Variants in GALNT13 observed in about 807,000 individuals in gnomAD.
GALNT13 encodes polypeptide N-acetylgalactosaminyltransferase 13, also known as UDP-GalNAc:polypeptide N-acetylgalactosaminyltransferase 13.
A neutral mutation model predicts 64.2 loss-of-function variants in GALNT13; 28 were observed. The observed-to-expected ratio is 0.44, with a 90% CI of 0.32 to 0.60. The LOEUF (loss-of-function observed/expected upper bound fraction) is 0.60. Among genes scored for constraint, GALNT13 ranks in the 20% least tolerant of loss-of-function variants. GALNT13 has a pLI of 0.05. For synonymous variants in GALNT13, 214 were observed against 224.6 expected (o/e 0.95, Z 0.42); for missense variants, 577 against 669.8 (o/e 0.86, Z 1.53).
At chr2:154,198,498 A>C (rs763336714) in intron 4 of GALNT13, among the ~76,000 whole-genome samples, 6 of 151,922 alleles carry the variant, frequency 3.9e-5, no homozygotes, top group Non-Finnish European at 7.4e-5. Flanking sequence ...TCAATAGTTA[A>C]AGTAAGTTTT....
At chr2:153,635,402 A>ATATATATATACACATATATATATG in the GALNT13 span, among the ~76,000 whole-genome samples, 13 of 110,574 alleles carry the variant, frequency 1.2e-4, no homozygotes, top group Admixed American at 5.3e-4. Context: ...AAATATGTAT[A>ATATATATATACACATATATATATG]TATATATATA....
chr2:153,635,831 T>G, the GALNT13 span, among the ~76,000 whole-genome samples: 29 of 152,194 alleles, frequency 1.9e-4, no homozygotes, highest in Admixed American at 1.8e-3. Flanking sequence ...CTTTAATTTC[T>G]TTCTAGTATC....
At chr2:154,315,658 G>A (rs745993100) in intron 9 of GALNT13, among the ~76,000 whole-genome samples, 4 of 152,066 alleles carry the variant, frequency 2.6e-5, no homozygotes, top group Admixed American at 6.6e-5. Context: ...GCCTAAAAAT[G>A]TTTATGTTTT....
intron 2 of GALNT13, among the ~76,000 whole-genome samples, chr2:153,909,576 G>A (rs1478747177): frequency 6.6e-6 from 1 of 151,944 alleles, no homozygotes; most frequent in African/African-American, 2.4e-5. Flanking sequence ...GTCATAGATG[G>A]CTCTTACTAT....
At chr2:153,930,826 A>G (rs1184827723) in intron 2 of GALNT13, among the ~76,000 whole-genome samples, 1 of 152,086 alleles carries the variant, frequency 6.6e-6, no homozygotes, top group African/African-American at 2.4e-5. Flanking sequence ...GTGCCATATG[A>G]ACTTTAGAAT....
At chr2:153,158,208 T>G in the GALNT13 span, among the ~76,000 whole-genome samples, 1 of 152,156 alleles carries the variant, frequency 6.6e-6, no homozygotes, top group African/African-American at 2.4e-5. Context: ...CCTTAAGGTT[T>G]TATTAGTATG....
chr2:154,286,945 C>T, intron 8 of GALNT13: 1 of 532,426 alleles, frequency 1.9e-6, no homozygotes, highest in Non-Finnish European at 3.5e-6. Flanking sequence ...TGACTCTGTG[C>T]TGCCATCCAT....
chr2:153,858,332 C>T, the GALNT13 span, among the ~76,000 whole-genome samples: 3 of 152,144 alleles, frequency 2.0e-5, no homozygotes, highest in African/African-American at 2.4e-5. Context: ...TGAAAGGACT[C>T]TGATATTTAC....
the GALNT13 span, among the ~76,000 whole-genome samples, chr2:153,396,013 A>T: frequency 0.036 from 5,520 of 152,220 alleles, 115 homozygotes; most frequent in Middle Eastern, 0.065. Flanking sequence ...TATTGTGAAA[A>T]TTGCAATAGA....
intron 8 of GALNT13, among the ~76,000 whole-genome samples, chr2:154,277,367 T>C (rs1249467861): frequency 1.3e-5 from 2 of 152,170 alleles, no homozygotes; most frequent in African/African-American, 4.8e-5. Context: ...ATTGAATCTA[T>C]GTATTTTTTA....
rs552264203 is a variant in GALNT13 at position 153,903,581 on chromosome 2, C to T, written c.-105+2574C>T. ...GTGTCAATTATTGATGCTCTCTGTG[C>T]GTCAGCCTCTGTACCTTCAAAATGT... On this transcript the variant is annotated intron_variant, in intron 2 of 12. Transcript: ENST00000392825. 2.6e-5 allele frequency among the ~76,000 whole-genome samples: 4 copies of T among 151,996 alleles called. No homozygotes were observed. In the South Asian group the frequency reaches 8.3e-4, roughly 32 times the overall value.
chr2:154,392,533 C>G (rs765055060), intron 9 of GALNT13, among the ~76,000 whole-genome samples: 61 of 152,058 alleles, frequency 4.0e-4, no homozygotes, highest in Non-Finnish European at 8.1e-4. Context: ...GTTTCAAGAC[C>G]AGGAGGGCCA....
chr2:153,165,227 A>G, the GALNT13 span, among the ~76,000 whole-genome samples: 8 of 152,252 alleles, frequency 5.3e-5, no homozygotes, highest in Non-Finnish European at 1.0e-4. Context: ...GTTTCATTAT[A>G]AAACTGTGGT....
At chr2:153,972,693 T>C (rs1014826895) in intron 3 of GALNT13, among the ~76,000 whole-genome samples, 5 of 152,016 alleles carry the variant, frequency 3.3e-5, no homozygotes, top group Admixed American at 6.6e-5. Context: ...TTCATATTAA[T>C]ATAAGGAAAT....
chr2:154,082,571 C>T (rs1701325089), intron 3 of GALNT13, among the ~76,000 whole-genome samples: 3 of 151,570 alleles, frequency 2.0e-5, no homozygotes, highest in Non-Finnish European at 3.0e-5. Context: ...AATATTTCAT[C>T]GAATGAATAC....
chr2:154,110,276 AG>A, intron 3 of GALNT13, among the ~76,000 whole-genome samples: 1 of 43,680 alleles, frequency 2.3e-5, no homozygotes, highest in Non-Finnish European at 3.8e-5. Context: ...CAGAACTAAT[AG>A]GATATATATA....
At chr2:154,253,416 C>T (rs1690194290) in intron 7 of GALNT13, among the ~76,000 whole-genome samples, 1 of 152,180 alleles carries the variant, frequency 6.6e-6, no homozygotes. Flanking sequence ...TGGTGAAAAA[C>T]TCCAGCATTT....
rs1297537403 is a variant in GALNT13, at chr2:154,040,750, T to C, written c.142+96111T>C. On this transcript the variant is annotated intron_variant, in intron 3 of 12. Coordinates refer to ENST00000392825, the MANE Select transcript of GALNT13 (RefSeq NM_052917.4). The stretch of plus-strand genomic sequence containing the variant: ...GAATGGTTAGTTGAAAATATTTTAC[T>C]TTTAAAATAATTATTGAACTGGGAA... Among the ~76,000 whole-genome samples the C allele has an allele frequency of 2.1e-5, 3 of 140,664 alleles. 1 individual carries two copies. Among genetic ancestry groups the C allele is most frequent in the Non-Finnish European group, 4.9e-5 (3 of 61,210 alleles). 92.3% of individuals were successfully genotyped at this position (140,664 alleles called of 152,430 possible). A position where few individuals can be genotyped will look rare whatever the true frequency, so the allele number is the denominator to read the frequency against.
In GALNT13 at chr2:154,259,139, G is replaced by T; in HGVS notation, c.975+1G>T. 2 of 1,474,530 alleles carry T rather than the reference G, an allele frequency of 1.4e-6. No homozygotes were observed. Among genetic ancestry groups the T allele is most frequent in the Admixed American group, 1.7e-5 (1 of 58,610 alleles). The allele number at this position is 1,474,530 out of a possible 1,614,324, so 91.3% of individuals were successfully genotyped here. ...AGAGAATCTTGAAATGTCTTTTAGGGTAATTGCATTTTATTTTATTTTTTG... is the reference window on the plus strand; with the variant it reads ...AGAGAATCTTGAAATGTCTTTTAGGTTAATTGCATTTTATTTTATTTTTTG... On this transcript the variant is annotated splice_donor_variant, in intron 8 of 12. Coordinates refer to ENST00000392825, the MANE Select transcript of GALNT13 (RefSeq NM_052917.4). LOFTEE classifies it high-confidence loss of function.
Sources: allele counts gnomAD v4.1 joint callset (sites outside exome capture counted in the v4.1 genomes callset), GRCh38; gene constraint gnomAD v4.1.1; transcripts MANE v1.5; gene names NCBI Gene and HGNC (gene_info 2026-07-23, HGNC 2026-07-21).